The following TENM3 variants were observed in gnomAD, a reference collection of about 807,000 sequenced individuals.
The protein encoded by TENM3 is teneurin transmembrane protein 3, also known as teneurin-3.
A neutral mutation model predicts 255.1 loss-of-function variants in TENM3; 63 were observed. The ratio of observed to expected loss-of-function variants is 0.25; its 90% CI spans 0.20 to 0.30. The LOEUF is 0.30. Among genes scored for constraint, TENM3 ranks in the 10% least tolerant of loss-of-function variants. The pLI is 1.00. For missense variants in TENM3, 2,929 were observed against 3,461.1 expected (o/e 0.85, Z 3.86); for synonymous variants, 1,306 against 1,322.3 (o/e 0.99, Z 0.27).
the TENM3 span, among the ~76,000 whole-genome samples, chr4:181,867,928 A>G: frequency 3.3e-5 from 5 of 152,150 alleles, no homozygotes; most frequent in Non-Finnish European, 2.9e-5. Context: ...AAAATTGTAG[A>G]TGTTCTGGTA....
chr4:181,597,766 C>G, the TENM3 span, among the ~76,000 whole-genome samples: 1 of 152,154 alleles, frequency 6.6e-6, no homozygotes, highest in Non-Finnish European at 1.5e-5. Context: ...AAATGTTTCT[C>G]AGTTTTAAAT....
At position 182,499,764 on chromosome 4, in the gene TENM3, C is replaced by T. The variant is rs28662281; in HGVS notation, c.512-101160C>T. 3.2e-3 allele frequency among the ~76,000 whole-genome samples: 490 copies of T among 152,204 alleles called. 4 individuals are homozygous for T. Among genetic ancestry groups the T allele is most frequent in the African/African-American group, 0.011 (471 of 41,536 alleles). On this transcript the variant is annotated intron_variant, in intron 3 of 27. Coordinates refer to ENST00000511685, the MANE Select transcript of TENM3 (RefSeq NM_001080477.4). ...TATGAAGTTTAATAGCATTTTCTAA[C>T]GAACTGAAAATTGAATAAACCCAAC... is the stretch of plus-strand genomic sequence containing the variant.
chr4:181,678,050 T>C, the TENM3 span, among the ~76,000 whole-genome samples: 1 of 152,160 alleles, frequency 6.6e-6, no homozygotes, highest in African/African-American at 2.4e-5. Context: ...GCGATTATTT[T>C]TTGCCCTCAT....
the TENM3 span, among the ~76,000 whole-genome samples, chr4:181,622,007 A>T: frequency 6.6e-6 from 1 of 152,210 alleles, no homozygotes; most frequent in East Asian, 1.9e-4. Flanking sequence ...AAATCTAAAA[A>T]ACCAAGCATT....
chr4:181,808,343 A>G, the TENM3 span, among the ~76,000 whole-genome samples: 1 of 152,206 alleles, frequency 6.6e-6, no homozygotes, highest in Admixed American at 6.5e-5. Flanking sequence ...AATGGGTCTC[A>G]AATAGGTTTT....
chr4:181,837,601 C>T, the TENM3 span, among the ~76,000 whole-genome samples: 1 of 152,158 alleles, frequency 6.6e-6, no homozygotes, highest in Non-Finnish European at 1.5e-5. Flanking sequence ...AGCAAGGGAC[C>T]TATGCTTATT....
chr4:182,279,228 C>G (rs181769889), intron 1 of TENM3, among the ~76,000 whole-genome samples: 1 of 151,770 alleles, frequency 6.6e-6, no homozygotes, highest in Admixed American at 6.6e-5. Context: ...TTTCTGTGTG[C>G]GCTTTTAAAA....
At chr4:182,548,173 T>C (rs1045392226) in intron 3 of TENM3, among the ~76,000 whole-genome samples, 2 of 152,078 alleles carry the variant, frequency 1.3e-5, no homozygotes, top group African/African-American at 4.8e-5. Context: ...TGCAGTGATC[T>C]ATGATCATAC....
the TENM3 span, among the ~76,000 whole-genome samples, chr4:181,670,356 G>A: frequency 6.6e-6 from 1 of 152,104 alleles, no homozygotes; most frequent in Non-Finnish European, 1.5e-5. Flanking sequence ...GTAATTCTAG[G>A]TTATTAATGT....
At chr4:181,485,100 T>C in the TENM3 span, among the ~76,000 whole-genome samples, 1 of 152,192 alleles carries the variant, frequency 6.6e-6, no homozygotes, top group Admixed American at 6.5e-5. Flanking sequence ...TTAACAATTG[T>C]ATTAATTTTT....
At chr4:181,951,245 C>T in the TENM3 span, among the ~76,000 whole-genome samples, 1 of 152,122 alleles carries the variant, frequency 6.6e-6, no homozygotes, top group Non-Finnish European at 1.5e-5. Context: ...TTTTCTTCCA[C>T]TCCAAGTTCA....
At position 182,378,789 on chromosome 4, in the gene TENM3, A is replaced by G. The variant is rs76767885; in HGVS notation, c.511+31860A>G. Among the ~76,000 whole-genome samples, 131 of 152,308 alleles carry G rather than the reference A, an allele frequency of 8.6e-4. 1 individual carries two copies. The highest frequency in any genetic ancestry group is 3.1e-3 in the African/African-American group (127 of 41,578). On this transcript the variant is annotated intron_variant, in intron 3 of 27. Transcript: ENST00000511685. ...AAGTGTTTTTTCTCCCAAAATTGCA[A>G]TAGGAAGCCATGAAAGGGTTTTGAA...
intron 3 of TENM3, among the ~76,000 whole-genome samples, chr4:182,410,856 T>C (rs182656812): frequency 4.3e-4 from 65 of 152,340 alleles, no homozygotes; most frequent in African/African-American, 1.5e-3. Flanking sequence ...AAAAAATGTG[T>C]ATTCACTCTA....
the TENM3 span, among the ~76,000 whole-genome samples, chr4:181,502,873 A>G: frequency 2.0e-5 from 3 of 152,324 alleles, no homozygotes; most frequent in South Asian, 6.2e-4. Context: ...GGGAGCAAGC[A>G]GAGCAAGAGT....
chr4:181,599,602 A>G, the TENM3 span, among the ~76,000 whole-genome samples: 1 of 152,230 alleles, frequency 6.6e-6, no homozygotes, highest in Non-Finnish European at 1.5e-5. Context: ...TGCACTAAGT[A>G]ATTAATATAG....
chr4:182,138,347 C>T, the TENM3 span, among the ~76,000 whole-genome samples: 242 of 152,316 alleles, frequency 1.6e-3, 1 homozygote, highest in Middle Eastern at 3.4e-3. Context: ...AGGACATATA[C>T]ATTTGAGTTG....
chr4:182,567,814 A>G (rs529878661), intron 3 of TENM3, among the ~76,000 whole-genome samples: 3 of 148,128 alleles, frequency 2.0e-5, no homozygotes, highest in African/African-American at 7.4e-5. Context: ...TTATATTATT[A>G]ATTGTCTCCC....
At chr4:182,310,355 A>G (rs2675518) in intron 1 of TENM3, among the ~76,000 whole-genome samples, 36,823 of 151,724 alleles carry the variant, frequency 0.24, 4,626 homozygotes, top group Middle Eastern at 0.28. Context: ...GCCACCATAC[A>G]CAGCTCTCAG....
intron 4 of TENM3, among the ~76,000 whole-genome samples, chr4:182,619,966 C>G (rs1482933260): frequency 1.3e-5 from 2 of 152,214 alleles, no homozygotes; most frequent in Non-Finnish European, 2.9e-5. Flanking sequence ...CTCACAGGTT[C>G]ACTTTTTTTC....
Sources: allele counts gnomAD v4.1 joint callset (sites outside exome capture counted in the v4.1 genomes callset), GRCh38; gene constraint gnomAD v4.1.1; transcripts MANE v1.5; gene names NCBI Gene and HGNC (gene_info 2026-07-23, HGNC 2026-07-21).